Variants in ESPNL observed in about 807,000 individuals in gnomAD.
The protein encoded by ESPNL is espin-like protein.
Under a neutral mutation model 46.8 loss-of-function variants are expected in ESPNL, and 49 were observed. The ratio of observed to expected loss-of-function variants is 1.05; its 90% CI spans 0.83 to 1.33. The LOEUF is 1.33. Among genes scored for constraint, ESPNL ranks in the 40% most tolerant of loss-of-function variants. ESPNL has a pLI of 0.00. For synonymous variants in ESPNL, 664 were observed against 662.1 expected (o/e 1.00, Z -0.04); for missense variants, 1,540 against 1,436.6 (o/e 1.07, Z -1.16).
intron 3 of ESPNL, among the ~76,000 whole-genome samples, chr2:238,107,517 T>G (rs939748994): frequency 4.4e-4 from 67 of 151,918 alleles, no homozygotes; most frequent in Non-Finnish European, 9.1e-4. Flanking sequence ...GTGTTTTCAT[T>G]TGCCATGATG....
intron 6 of ESPNL, among the ~76,000 whole-genome samples, chr2:238,126,985 C>G (rs1439137682): frequency 5.6e-5 from 6 of 107,212 alleles, no homozygotes; most frequent in Non-Finnish European, 1.1e-4. Flanking sequence ...GTGATTGTGT[C>G]TATCTGTGTG....
In ESPNL at chr2:238,130,703, T is replaced by C. The variant is rs772652006; in HGVS notation, c.1989T>C (p.Ser663=). The C allele has an allele frequency of 1.3e-6, 2 of 1,565,554 alleles. No homozygotes were observed. The highest frequency in any genetic ancestry group is 2.7e-5 in the African/African-American group (2 of 73,962). ...RTLRGNFESA[S]GPLCGFNPGP... ...TGCGGGGCAACTTCGAGTCGGCCTC[T>C]GGCCCACTCTGTGGCTTCAACCCTG... Residue 663 remains serine (S), a synonymous_variant, in exon 9 of 9, where the codon TCT becomes TCC. Coordinates refer to ENST00000343063, the MANE Select transcript of ESPNL (RefSeq NM_194312.4).
intron 4 of ESPNL, among the ~76,000 whole-genome samples, chr2:238,116,544 C>T (rs1233638319): frequency 1.3e-5 from 2 of 152,108 alleles, no homozygotes; most frequent in East Asian, 3.9e-4. Flanking sequence ...CGTCTCTTCA[C>T]GTGCATTGAT....
At chr2:238,118,178 A>C in intron 5 of ESPNL, among the ~76,000 whole-genome samples, 1 of 89,028 alleles carries the variant, frequency 1.1e-5, no homozygotes. Flanking sequence ...GGATGGAGGA[A>C]TGGATGGTGG....
chr2:238,128,586 T>G, intron 7 of ESPNL, 121 bp from the exon 8 acceptor site: 1 of 898,996 alleles, frequency 1.1e-6, no homozygotes, highest in Non-Finnish European at 1.7e-6. Flanking sequence ...CTGTCCCTCC[T>G]CTCAGGGCGC....
intron 5 of ESPNL, among the ~76,000 whole-genome samples, chr2:238,122,585 G>A (rs1692012436): frequency 6.6e-6 from 1 of 152,140 alleles, no homozygotes; most frequent in Admixed American, 6.6e-5. Context: ...CTGAGCCCCA[G>A]ACTAACTTCC....
rs760477137 is a variant in ESPNL, at chr2:238,104,607, G to T, written c.486-49G>T. On this transcript the variant is annotated intron_variant, in intron 2 of 8. Transcript: ENST00000343063. ...TGAAGTCCAAGCAGCCGAGGGATGGGCTCAGCCATAGGCAGGGACTGGGCC... is the reference window on the plus strand; with the variant it reads ...TGAAGTCCAAGCAGCCGAGGGATGGTCTCAGCCATAGGCAGGGACTGGGCC... 4 of 1,495,554 alleles carry T rather than the reference G, an allele frequency of 2.7e-6. No individual in the cohort carries two copies. In the Admixed American group the frequency reaches 8.5e-5, roughly 32 times the overall value. 92.6% of individuals were successfully genotyped at this position (1,495,554 alleles called of 1,614,324 possible).
chr2:238,118,781 AG>A (rs1559263581), intron 5 of ESPNL, among the ~76,000 whole-genome samples: 13 of 15,202 alleles, frequency 8.6e-4, no homozygotes, highest in African/African-American at 1.8e-3. Flanking sequence ...GGAGGAGGGG[AG>A]ATGGAGGAGG....
In ESPNL at chr2:238,115,983, A is replaced by G. The variant is rs575509440; in HGVS notation, c.856-920A>G. ...CACTGCGCCCGGCCAAGGGTCTCAC[A>G]ACTTCTTACTTAGTTCAATTCAGTG... On this transcript the variant is annotated intron_variant, in intron 4 of 8. Coordinates refer to ENST00000343063, the MANE Select transcript of ESPNL (RefSeq NM_194312.4). Among the ~76,000 whole-genome samples, 41 of 152,224 alleles carry G rather than the reference A, an allele frequency of 2.7e-4. 1 individual carries two copies. The highest frequency in any genetic ancestry group is 1.3e-4 in the Non-Finnish European group (9 of 68,034).
At chr2:238,101,764 C>T (rs1691483085) in intron 1 of ESPNL, among the ~76,000 whole-genome samples, 177 bp from the exon 2 acceptor site, 1 of 152,090 alleles carries the variant, frequency 6.6e-6, no homozygotes, top group Admixed American at 6.5e-5. Flanking sequence ...CACCTCAGTC[C>T]CAGCAGGGAG....
At chr2:238,127,025 G>A (rs1453252726) in intron 6 of ESPNL, among the ~76,000 whole-genome samples, 1 of 149,086 alleles carries the variant, frequency 6.7e-6, no homozygotes, top group Non-Finnish European at 1.5e-5. Context: ...GATTGTGTTT[G>A]TGTGTCTGTT....
intron 5 of ESPNL, among the ~76,000 whole-genome samples, chr2:238,124,857 G>T (rs1418000211): frequency 1.3e-5 from 2 of 151,914 alleles, no homozygotes; most frequent in Admixed American, 1.3e-4. Context: ...GTGCAGGAGA[G>T]CATACATGCG....
At chr2:238,122,560 G>C (rs1011385609) in intron 5 of ESPNL, among the ~76,000 whole-genome samples, 11 of 152,234 alleles carry the variant, frequency 7.2e-5, no homozygotes, top group African/African-American at 2.7e-4. Context: ...GCTGGGGCCA[G>C]AGTCCGGTAG....
intron 8 of ESPNL, chr2:238,129,186 T>C: frequency 7.4e-7 from 1 of 1,352,916 alleles, no homozygotes; most frequent in Non-Finnish European, 9.5e-7. Flanking sequence ...GTTCTAGGCC[T>C]TCCTGGGCGC....
intron 4 of ESPNL, among the ~76,000 whole-genome samples, chr2:238,115,470 G>C (rs1309588843): frequency 6.6e-6 from 1 of 152,240 alleles, no homozygotes; most frequent in Non-Finnish European, 1.5e-5. Context: ...AAGTCACAGA[G>C]CCAGATGAGC....
intron 7 of ESPNL, among the ~76,000 whole-genome samples, chr2:238,127,999 C>G (rs1205380080): frequency 6.6e-6 from 1 of 152,192 alleles, no homozygotes; most frequent in African/African-American, 2.4e-5. Flanking sequence ...TGGCCCAGGC[C>G]CCTCTCCCTG....
At chr2:238,110,169 T>C (rs56296518) in intron 4 of ESPNL, among the ~76,000 whole-genome samples, 3 of 140,270 alleles carry the variant, frequency 2.1e-5, no homozygotes, top group Non-Finnish European at 3.2e-5. Flanking sequence ...TAGGGTGCCA[T>C]ATGTTACCGA....
chr2:238,103,230 C>T (rs2106463772), intron 2 of ESPNL, among the ~76,000 whole-genome samples: 1 of 152,288 alleles, frequency 6.6e-6, no homozygotes, highest in South Asian at 2.1e-4. Flanking sequence ...CAAGACTGGC[C>T]TGGGCAATGT....
Position 238,100,627 on chromosome 2 carries a change from G to T in ESPNL, c.208G>T (p.Gly70Trp). 6.7e-7 allele frequency: 1 copy of T among 1,485,036 alleles called. No homozygotes were observed. Among genetic ancestry groups the T allele is most frequent in the Non-Finnish European group, 8.9e-7 (1 of 1,122,404 alleles). 92.0% of individuals were successfully genotyped at this position (1,485,036 alleles called of 1,614,324 possible). ...GCCCGGCAACCAGCGGGCCCACAACGGGGCCACCCCAGCGCATGACGCCGC... is the reference window on the plus strand; with the variant it reads ...GCCCGGCAACCAGCGGGCCCACAACTGGGCCACCCCAGCGCATGACGCCGC... ...QLPGNQRAHN[G>W]ATPAHDAAAT... is the part of the protein sequence containing the mutation. Residue 70 changes from glycine (G) to tryptophan (W), a missense_variant, in exon 1 of 9, where the codon GGG (glycine) becomes TGG (tryptophan). Gly to Trp is a radical substitution (Grantham distance 184). Coordinates refer to ENST00000343063, the MANE Select transcript of ESPNL (RefSeq NM_194312.4).
Sources: gnomAD v4.1 joint callset for allele counts (sites outside exome capture counted in the v4.1 genomes callset) on GRCh38, gnomAD v4.1.1 for gene constraint, MANE v1.5 for transcripts, NCBI Gene and HGNC (gene_info 2026-07-23, HGNC 2026-07-21) for gene names.